NAALADL2: variants seen among roughly 807,000 people sequenced by gnomAD.
The protein encoded by NAALADL2 is N-acetylated alpha-linked acidic dipeptidase like 2.
A neutral mutation model predicts 87.2 loss-of-function variants in NAALADL2; 76 were observed. The observed-to-expected ratio is 0.87, with a 90% CI of 0.72 to 1.05. The LOEUF (loss-of-function observed/expected upper bound fraction) is 1.05. Ranked by LOEUF, NAALADL2 falls within the 50% of genes least tolerant of loss-of-function variation. NAALADL2 has a pLI of 0.00. For synonymous variants in NAALADL2, 354 were observed against 331.0 expected, an observed-to-expected ratio of 1.07 and a Z score of -0.75; for missense variants, 1,089 against 945.8, an observed-to-expected ratio of 1.15 and a Z score of -1.99.
chr3:175,747,038 T>C (rs906263556), intron 12 of NAALADL2, among the ~76,000 whole-genome samples: 3 of 152,226 alleles, frequency 2.0e-5, no homozygotes, highest in Admixed American at 1.3e-4. Context: ...ACTGAATTGG[T>C]AATCCACACT....
intron 3 of NAALADL2, among the ~76,000 whole-genome samples, chr3:174,755,295 T>C (rs1010136177): frequency 2.3e-4 from 35 of 152,184 alleles, no homozygotes; most frequent in African/African-American, 8.4e-4. Flanking sequence ...CTAAACCTCA[T>C]TTTTTAAATA....
At chr3:175,123,211 C>T (rs1343229146) in intron 2 of NAALADL2, among the ~76,000 whole-genome samples, 1 of 151,922 alleles carries the variant, frequency 6.6e-6, no homozygotes, top group African/African-American at 2.4e-5. Context: ...GACAAAATCA[C>T]TTGGAAAAGT....
chr3:175,283,800 T>C (rs977091587), intron 4 of NAALADL2, among the ~76,000 whole-genome samples: 1 of 145,202 alleles, frequency 6.9e-6, no homozygotes, highest in Non-Finnish European at 1.6e-5. Flanking sequence ...GCCACCACAT[T>C]GAAAATAGTT....
chr3:174,749,264 A>C (rs1734585582), intron 3 of NAALADL2, among the ~76,000 whole-genome samples: 1 of 152,086 alleles, frequency 6.6e-6, no homozygotes, highest in Non-Finnish European at 1.5e-5. Context: ...TTTTGTAATC[A>C]TTCTCATTTT....
intron 9 of NAALADL2, among the ~76,000 whole-genome samples, chr3:175,499,341 A>C (rs1029897669): frequency 6.6e-5 from 10 of 152,172 alleles, no homozygotes; most frequent in African/African-American, 2.2e-4. Context: ...AACTTTACTT[A>C]GGAACTTAAA....
chr3:175,676,683 C>T (rs1160128947), intron 11 of NAALADL2: 4 of 151,962 alleles, frequency 2.6e-5, no homozygotes, highest in Non-Finnish European at 5.9e-5. Context: ...ATCAAGATTC[C>T]ACTTCTTTTT....
chr3:175,167,279 T>A (rs2108883958), intron 2 of NAALADL2, among the ~76,000 whole-genome samples: 1 of 152,170 alleles, frequency 6.6e-6, no homozygotes, highest in Non-Finnish European at 1.5e-5. Flanking sequence ...AAAAAGAGGT[T>A]AAACTCCTGC....
chr3:175,715,422 A>T (rs939767339), intron 11 of NAALADL2, among the ~76,000 whole-genome samples: 12 of 152,190 alleles, frequency 7.9e-5, no homozygotes, highest in Non-Finnish European at 1.8e-4. Flanking sequence ...ATGCATAGTA[A>T]ATACCAAAAT....
intron 13 of NAALADL2, among the ~76,000 whole-genome samples, chr3:175,789,777 G>T (rs1331935210): frequency 6.6e-6 from 1 of 152,024 alleles, no homozygotes; most frequent in Admixed American, 6.6e-5. Flanking sequence ...ATAGAACTGA[G>T]CCCACTGAAT....
chr3:175,348,333 T>C (rs1265221988), intron 5 of NAALADL2, among the ~76,000 whole-genome samples: 1 of 152,158 alleles, frequency 6.6e-6, no homozygotes, highest in East Asian at 1.9e-4. Flanking sequence ...GTTAGTTCTA[T>C]ACATAAAATA....
intron 3 of NAALADL2, among the ~76,000 whole-genome samples, chr3:174,825,610 C>T (rs1394720957): frequency 6.6e-6 from 1 of 152,328 alleles, no homozygotes; most frequent in African/African-American, 2.4e-5. Context: ...CATCCCTTAA[C>T]CCAATCAAGT....
chr3:175,544,505 G>A (rs150946333), intron 9 of NAALADL2, among the ~76,000 whole-genome samples: 30 of 152,100 alleles, frequency 2.0e-4, no homozygotes, highest in East Asian at 1.9e-3. Flanking sequence ...GAAATTTTTC[G>A]TATCTTCTTT....
At chr3:175,144,620 C>T (rs73176774) in intron 2 of NAALADL2, among the ~76,000 whole-genome samples, 2,131 of 152,092 alleles carry the variant, frequency 0.014, 20 homozygotes, top group Non-Finnish European at 0.019. Context: ...TTATCCCCCA[C>T]ATGCAGGATC....
At chr3:175,105,278 C>G (rs1722900666) in intron 2 of NAALADL2, among the ~76,000 whole-genome samples, 1 of 151,966 alleles carries the variant, frequency 6.6e-6, no homozygotes, top group Non-Finnish European at 1.5e-5. Context: ...ATGGGTCTGG[C>G]AGAGTTTAAA....
chr3:175,423,027 AAAT>A (rs1251297242), intron 5 of NAALADL2, among the ~76,000 whole-genome samples: 1 of 100,066 alleles, frequency 1.0e-5, no homozygotes. Flanking sequence ...AGAAAAAAAA[AAAT>A]ATATATATAT....
intron 1 of NAALADL2, among the ~76,000 whole-genome samples, chr3:174,535,279 T>G (rs1265597024): frequency 6.6e-6 from 1 of 152,162 alleles, no homozygotes; most frequent in East Asian, 1.9e-4. Flanking sequence ...GTACTTAAAG[T>G]ACCCAGATGA....
At chr3:175,289,569 A>T (rs1755397293) in intron 4 of NAALADL2, among the ~76,000 whole-genome samples, 1 of 151,110 alleles carries the variant, frequency 6.6e-6, no homozygotes, top group South Asian at 2.1e-4. Flanking sequence ...CCTTTAGAAG[A>T]TTTTCTTAGA....
chr3:175,182,428 C>A (rs1360104437), intron 2 of NAALADL2, among the ~76,000 whole-genome samples: 1 of 151,894 alleles, frequency 6.6e-6, no homozygotes, highest in Non-Finnish European at 1.5e-5. Flanking sequence ...CTCTCTGTCA[C>A]CCAGGCTGGA....
intron 3 of NAALADL2, among the ~76,000 whole-genome samples, chr3:175,245,879 A>C (rs1581100100): frequency 1.3e-5 from 2 of 152,164 alleles, no homozygotes; most frequent in East Asian, 3.9e-4. Context: ...AAATATTTTA[A>C]ATACCTCTCC....
Sources: gnomAD v4.1 joint callset for allele counts (sites outside exome capture counted in the v4.1 genomes callset) on GRCh38, gnomAD v4.1.1 for gene constraint, MANE v1.5 for transcripts, NCBI Gene and HGNC (gene_info 2026-07-23, HGNC 2026-07-21) for gene names.